The following DLG2 variants were observed in gnomAD, a reference collection of about 807,000 sequenced individuals.
The protein encoded by DLG2 is discs large MAGUK scaffold protein 2.
Under a neutral mutation model 132.5 loss-of-function variants are expected in DLG2, and 45 were observed. That is an observed-to-expected ratio of 0.34 (90% CI 0.27 to 0.44). The LOEUF (loss-of-function observed/expected upper bound fraction) is 0.44. Ranked by LOEUF, DLG2 falls within the 20% of genes least tolerant of loss-of-function variation. The probability of loss-of-function intolerance (pLI) is 1.00; values close to 1 mark genes in which losing one functional copy is unlikely to be tolerated. For missense variants in DLG2, 1,045 were observed against 1,196.9 expected (o/e 0.87, Z 1.87); for synonymous variants, 424 against 419.6 (o/e 1.01, Z -0.13).
chr11:84,658,405 C>T (rs1339098441), intron 6 of DLG2, among the ~76,000 whole-genome samples: 1 of 152,076 alleles, frequency 6.6e-6, no homozygotes, highest in Admixed American at 6.6e-5. Flanking sequence ...GGCGTTTGAG[C>T]AGTGATTAGG....
chr11:83,831,718 C>A (rs973949454), intron 17 of DLG2, among the ~76,000 whole-genome samples: 3 of 152,160 alleles, frequency 2.0e-5, no homozygotes, highest in Non-Finnish European at 4.4e-5. Flanking sequence ...TAGTTATGAA[C>A]TATGAACCAT....
intron 4 of DLG2, among the ~76,000 whole-genome samples, chr11:85,277,825 C>G (rs2077985523): frequency 6.6e-6 from 1 of 152,112 alleles, no homozygotes. Flanking sequence ...CTCCAGGTAC[C>G]TAGTTGAACA....
intron 18 of DLG2, among the ~76,000 whole-genome samples, chr11:83,723,680 C>T (rs2089292946): frequency 6.6e-6 from 1 of 152,090 alleles, no homozygotes; most frequent in Non-Finnish European, 1.5e-5. Context: ...CATGGTGAAA[C>T]TCTGTCTCTA....
At chr11:83,502,969 C>T (rs1382966181) in intron 21 of DLG2, among the ~76,000 whole-genome samples, 2 of 151,988 alleles carry the variant, frequency 1.3e-5, no homozygotes, top group African/African-American at 4.8e-5. Flanking sequence ...TAGTTACATC[C>T]ATTTATGCAT....
intron 7 of DLG2, among the ~76,000 whole-genome samples, chr11:84,416,006 A>G (rs1212414575): frequency 6.6e-6 from 1 of 152,028 alleles, no homozygotes; most frequent in Admixed American, 6.6e-5. Flanking sequence ...GGTTTTTGCA[A>G]ACTAATCATT....
intron 3 of DLG2, among the ~76,000 whole-genome samples, chr11:85,558,412 C>T (rs1237586585): frequency 6.6e-6 from 1 of 151,908 alleles, no homozygotes; most frequent in African/African-American, 2.4e-5. Context: ...AACAGAACCA[C>T]CATTTGACCC....
At chr11:85,090,991 G>T (rs1239803446) in intron 6 of DLG2, among the ~76,000 whole-genome samples, 1 of 152,134 alleles carries the variant, frequency 6.6e-6, no homozygotes, top group Admixed American at 6.5e-5. Context: ...AGACAGGGTG[G>T]TGCCATGTTC....
At chr11:85,176,357 AT>A (rs1404445406) in intron 4 of DLG2, among the ~76,000 whole-genome samples, 4 of 152,202 alleles carry the variant, frequency 2.6e-5, no homozygotes, top group Non-Finnish European at 5.9e-5. Context: ...AAAACAAGCA[AT>A]GGGGAAAGGT....
intron 3 of DLG2, among the ~76,000 whole-genome samples, chr11:85,569,316 G>A (rs1246207789): frequency 6.6e-6 from 1 of 152,176 alleles, no homozygotes; most frequent in Non-Finnish European, 1.5e-5. Context: ...ACAGGCATGA[G>A]CCACCACACC....
At chr11:83,755,915 T>C (rs1377934069) in intron 18 of DLG2, among the ~76,000 whole-genome samples, 1 of 151,452 alleles carries the variant, frequency 6.6e-6, no homozygotes, top group African/African-American at 2.5e-5. Context: ...TACAAATCAC[T>C]ACAAGCTATG....
chr11:85,371,415 C>T (rs1195840439), intron 3 of DLG2, among the ~76,000 whole-genome samples: 1 of 152,150 alleles, frequency 6.6e-6, no homozygotes, highest in Non-Finnish European at 1.5e-5. Flanking sequence ...TTACTCTCTG[C>T]CTGGTTCCTC....
At chr11:84,388,925 T>C (rs900161896) in intron 7 of DLG2, among the ~76,000 whole-genome samples, 5 of 152,132 alleles carry the variant, frequency 3.3e-5, no homozygotes, top group African/African-American at 1.2e-4. Context: ...GAGTATCCAG[T>C]TTTCTCCCTG....
chr11:83,471,754 G>A (rs374340510), intron 23 of DLG2, 27 bp from the exon 24 acceptor site: 289 of 1,591,574 alleles, frequency 1.8e-4, no homozygotes, highest in Non-Finnish European at 2.4e-4. Flanking sequence ...GAAGATGTAG[G>A]TAAAGAGAAA....
chr11:83,964,700 T>A (rs1053811519), intron 13 of DLG2, among the ~76,000 whole-genome samples: 1 of 152,002 alleles, frequency 6.6e-6, no homozygotes, highest in Non-Finnish European at 1.5e-5. Context: ...ATGAGGCTTA[T>A]GCAACAGTGG....
At chr11:83,854,997 A>C (rs1344616006) in intron 16 of DLG2, among the ~76,000 whole-genome samples, 1 of 152,172 alleles carries the variant, frequency 6.6e-6, no homozygotes, top group African/African-American at 2.4e-5. Flanking sequence ...AAACAACTCA[A>C]CTAAAAATGG....
intron 3 of DLG2, among the ~76,000 whole-genome samples, chr11:85,534,009 ACAG>A (rs571079969): frequency 1.3e-5 from 2 of 152,226 alleles, no homozygotes; most frequent in Non-Finnish European, 2.9e-5. Context: ...TGTTTTTGAG[ACAG>A]AGTCTCATTC....
intron 4 of DLG2, among the ~76,000 whole-genome samples, chr11:85,249,300 T>C (rs1302395484): frequency 6.6e-6 from 1 of 152,018 alleles, no homozygotes; most frequent in East Asian, 1.9e-4. Flanking sequence ...GAGAAACAGT[T>C]ACCTACGATA....
At chr11:84,259,029 C>T (rs546511320) in intron 7 of DLG2, among the ~76,000 whole-genome samples, 40 of 152,068 alleles carry the variant, frequency 2.6e-4, no homozygotes, top group Admixed American at 9.8e-4. Context: ...CCCAGTGCTT[C>T]GGGATGCCAA....
At chr11:83,705,270 T>C (rs990060640) in intron 18 of DLG2, among the ~76,000 whole-genome samples, 1 of 152,158 alleles carries the variant, frequency 6.6e-6, no homozygotes, top group Non-Finnish European at 1.5e-5. Context: ...TTAATACATG[T>C]GATTGCCTAA....
Sources: allele counts gnomAD v4.1 joint callset (sites outside exome capture counted in the v4.1 genomes callset), GRCh38; gene constraint gnomAD v4.1.1; transcripts MANE v1.5; gene names NCBI Gene and HGNC (gene_info 2026-07-23, HGNC 2026-07-21).